The following PDE1A variants were observed in gnomAD, a reference collection of about 807,000 sequenced individuals.
PDE1A encodes the protein dual specificity calcium/calmodulin-dependent 3',5'-cyclic nucleotide phosphodiesterase 1A.
Under a neutral mutation model 61.7 loss-of-function variants are expected in PDE1A, and 35 were observed. That is an observed-to-expected ratio of 0.57 (90% CI 0.43 to 0.75). PDE1A has a LOEUF of 0.75. PDE1A is among the 30% of genes least tolerant of loss of function. The pLI is 0.00. For synonymous variants in PDE1A, 232 were observed against 213.2 expected (o/e 1.09, Z -0.77); for missense variants, 597 against 630.6 (o/e 0.95, Z 0.57).
At chr2:182,245,428 A>G (rs1208554288) in intron 2 of PDE1A, among the ~76,000 whole-genome samples, 1 of 152,170 alleles carries the variant, frequency 6.6e-6, no homozygotes. Context: ...ATGTATAATG[A>G]CATATGTCTA....
the PDE1A span, among the ~76,000 whole-genome samples, chr2:182,559,837 A>G: frequency 5.9e-5 from 9 of 152,296 alleles, no homozygotes; most frequent in East Asian, 1.7e-3. Context: ...GATGACTCGC[A>G]CAAGTATCAT....
the PDE1A span, among the ~76,000 whole-genome samples, chr2:182,590,104 TA>T: frequency 6.6e-6 from 1 of 151,626 alleles, no homozygotes; most frequent in Non-Finnish European, 1.5e-5. Context: ...CTAGATTCTT[TA>T]GTAAGTAGTG....
intron 13 of PDE1A, among the ~76,000 whole-genome samples, chr2:182,155,083 G>GAT (rs1211603930): frequency 1.2e-5 from 1 of 86,686 alleles, no homozygotes; most frequent in Admixed American, 1.5e-4. Flanking sequence ...TTTTAATTCT[G>GAT]CTTTTTTTTT....
intron 1 of PDE1A, among the ~76,000 whole-genome samples, chr2:182,415,209 T>C (rs1702843831): frequency 6.6e-6 from 1 of 152,136 alleles, no homozygotes; most frequent in South Asian, 2.1e-4. Flanking sequence ...CTTTGTGTTG[T>C]TTGCCTAGCC....
intron 2 of PDE1A, among the ~76,000 whole-genome samples, chr2:182,241,391 G>A (rs1690496058): frequency 6.6e-6 from 1 of 152,104 alleles, no homozygotes; most frequent in Non-Finnish European, 1.5e-5. Context: ...CCCAGACCTA[G>A]GCCTAACGAT....
chr2:182,627,146 T>TTATTTATATATAAAATATAAATAA, the PDE1A span, among the ~76,000 whole-genome samples: 1 of 46,948 alleles, frequency 2.1e-5, no homozygotes, highest in Non-Finnish European at 4.0e-5. Flanking sequence ...AATATAAATA[T>TTATTTATATATAAAATATAAATAA]TATTTATATA....
chr2:182,172,331 G>A (rs1692300043), intron 13 of PDE1A, among the ~76,000 whole-genome samples: 1 of 152,026 alleles, frequency 6.6e-6, no homozygotes, highest in Non-Finnish European at 1.5e-5. Flanking sequence ...AAGAAAAAAA[G>A]ATGATAGGCA....
chr2:182,505,911 A>C (rs1484548871), intron 2 of PDE1A, among the ~76,000 whole-genome samples: 2 of 152,250 alleles, frequency 1.3e-5, no homozygotes, highest in East Asian at 3.8e-4. Context: ...TGGAAAACTC[A>C]AGATATTGAA....
At chr2:182,167,811 G>T, downstream of PDE1A, 2 of 608,504 alleles carry the variant, frequency 3.3e-6, no homozygotes, top group Non-Finnish European at 4.1e-6. Flanking sequence ...ACAAATGGTA[G>T]AATTAATGTA....
the PDE1A span, among the ~76,000 whole-genome samples, chr2:182,657,121 G>T: frequency 2.6e-5 from 4 of 152,122 alleles, no homozygotes; most frequent in Non-Finnish European, 5.9e-5. Flanking sequence ...TACTTGCGAG[G>T]CTGAGGCAGG....
chr2:182,606,157 T>G, the PDE1A span, among the ~76,000 whole-genome samples: 114 of 152,314 alleles, frequency 7.5e-4, no homozygotes, highest in African/African-American at 2.6e-3. Flanking sequence ...TATGTATGTA[T>G]GTACGTATGT....
At chr2:182,210,907 A>C (rs1196870636) in intron 7 of PDE1A, among the ~76,000 whole-genome samples, 4 of 152,166 alleles carry the variant, frequency 2.6e-5, no homozygotes, top group African/African-American at 9.7e-5. Context: ...TATCAAAAAA[A>C]AAAAAGAAAT....
At chr2:182,462,661 A>T (rs1175429426) in intron 2 of PDE1A, among the ~76,000 whole-genome samples, 2 of 152,100 alleles carry the variant, frequency 1.3e-5, no homozygotes, top group Non-Finnish European at 2.9e-5. Flanking sequence ...ATAAGGGAAA[A>T]AAAAGGGTGT....
upstream of PDE1A, among the ~76,000 whole-genome samples, chr2:182,431,881 G>A (rs553854810): frequency 5.5e-4 from 83 of 152,028 alleles, 2 homozygotes; most frequent in South Asian, 0.012. Context: ...TCTTCTAACC[G>A]CCTACCCTAC....
At chr2:182,563,827 T>C in the PDE1A span, among the ~76,000 whole-genome samples, 1 of 152,202 alleles carries the variant, frequency 6.6e-6, no homozygotes, top group Non-Finnish European at 1.5e-5. Flanking sequence ...TCTTTGTCTC[T>C]TTTGATCTTT....
At chr2:182,367,569 A>G (rs1164710911) in intron 1 of PDE1A, among the ~76,000 whole-genome samples, 1 of 152,084 alleles carries the variant, frequency 6.6e-6, no homozygotes, top group Non-Finnish European at 1.5e-5. Context: ...CAACTTGGGT[A>G]GTTAATTTCT....
the PDE1A span, among the ~76,000 whole-genome samples, chr2:182,695,992 A>G: frequency 2.0e-5 from 3 of 152,354 alleles, no homozygotes; most frequent in Admixed American, 6.5e-5. Context: ...GAACAACAGG[A>G]ACTCTCATTC....
the PDE1A span, among the ~76,000 whole-genome samples, chr2:182,602,994 CATACATACAT>C: frequency 7.9e-6 from 1 of 126,110 alleles, no homozygotes; most frequent in African/African-American, 3.1e-5. Flanking sequence ...CACACACACA[CATACATACAT>C]ACATACATAC....
At chr2:182,209,756 C>T (rs749404472) in intron 7 of PDE1A, among the ~76,000 whole-genome samples, 7 of 152,072 alleles carry the variant, frequency 4.6e-5, no homozygotes, top group Non-Finnish European at 8.8e-5. Context: ...TCCCCTTCGC[C>T]CTTCTGCCAC....
Sources: allele counts gnomAD v4.1 joint callset (sites outside exome capture counted in the v4.1 genomes callset), GRCh38; gene constraint gnomAD v4.1.1; transcripts MANE v1.5; gene names NCBI Gene and HGNC (gene_info 2026-07-23, HGNC 2026-07-21).